The following UBE2H variants were observed in gnomAD, a reference collection of about 807,000 sequenced individuals.
The protein encoded by UBE2H is ubiquitin-conjugating enzyme E2 H.
Under a neutral mutation model 29.0 loss-of-function variants are expected in UBE2H, and 3 were observed. That is an observed-to-expected ratio of 0.10 (90% CI 0.05 to 0.27). The LOEUF is 0.27. UBE2H is among the 10% of genes least tolerant of loss of function. The pLI is 1.00. For synonymous variants in UBE2H, 69 were observed against 82.9 expected, an observed-to-expected ratio of 0.83 and a Z score of 0.91; for missense variants, 68 against 228.2, an observed-to-expected ratio of 0.30 and a Z score of 4.52.
At chr7:129,874,722 A>C (rs1334215221) in intron 3 of UBE2H, among the ~76,000 whole-genome samples, 1 of 152,176 alleles carries the variant, frequency 6.6e-6, no homozygotes, top group Non-Finnish European at 1.5e-5. Context: ...GTTCATATGA[A>C]GAGAAAAATG....
At position 129,909,888 on chromosome 7, in the gene UBE2H, A is replaced by G. The variant is rs190058859; in HGVS notation, c.54-28917T>C. Among the ~76,000 whole-genome samples the G allele has an allele frequency of 2.0e-5, 3 of 152,290 alleles. No homozygotes were observed. The East Asian group carries it at 5.8e-4, about 29-fold the overall frequency. On this transcript the variant is annotated intron_variant, in intron 1 of 6. Transcript: ENST00000355621. ...GTGGGAGTTGGAGCCACAAGCAAACAGCTGATTATATAAAGTGGTCTGAGG... is the reference window on the plus strand; with the variant it reads ...GTGGGAGTTGGAGCCACAAGCAAACGGCTGATTATATAAAGTGGTCTGAGG...
chr7:129,866,609 G>GC (rs1272133068), intron 3 of UBE2H, among the ~76,000 whole-genome samples: 1 of 152,160 alleles, frequency 6.6e-6, no homozygotes, highest in Non-Finnish European at 1.5e-5. Flanking sequence ...GTAGTTAAAA[G>GC]ATCAGGCTCC....
chr7:129,848,600 T>C (rs1400067052), intron 5 of UBE2H, among the ~76,000 whole-genome samples: 1 of 152,226 alleles, frequency 6.6e-6, no homozygotes, highest in South Asian at 2.1e-4. Flanking sequence ...TTGAAACTCC[T>C]GGGAATTTCA....
rs192637587 is a variant in UBE2H at position 129,949,791 on chromosome 7, C to A, written c.53+2712G>T. 2.0e-5 allele frequency among the ~76,000 whole-genome samples: 3 copies of A among 152,224 alleles called. No homozygotes were observed. The East Asian group carries it at 5.8e-4, about 29-fold the overall frequency. On this transcript the variant is annotated intron_variant, in intron 1 of 6. Transcript: ENST00000355621. ...ACTTTCCTACTATATAGGTTCCCTG[C>A]CAGGCTGTAAATCGTGGTGGTATAA...
intron 1 of UBE2H, among the ~76,000 whole-genome samples, chr7:129,951,738 G>A (rs1807880376): frequency 6.6e-6 from 1 of 152,128 alleles, no homozygotes; most frequent in African/African-American, 2.4e-5. Context: ...TTGCCCAAGT[G>A]GCCAGTCCAG....
At chr7:129,898,899 ATAC>A (rs1668020846) in intron 1 of UBE2H, among the ~76,000 whole-genome samples, 1 of 151,870 alleles carries the variant, frequency 6.6e-6, no homozygotes, top group African/African-American at 2.4e-5. Flanking sequence ...CACTGCCTAG[ATAC>A]TACCATTGCT....
intron 5 of UBE2H, chr7:129,839,583 T>A: frequency 2.5e-6 from 1 of 397,118 alleles, no homozygotes; most frequent in Non-Finnish European, 4.4e-6. Flanking sequence ...ATTTTCCCAA[T>A]TCTATTTCAC....
chr7:129,923,646 T>C (rs767439619), intron 1 of UBE2H, among the ~76,000 whole-genome samples: 25 of 152,170 alleles, frequency 1.6e-4, no homozygotes, highest in Non-Finnish European at 3.2e-4. Flanking sequence ...TTCTAAAACA[T>C]GGAAGCTTTC....
At position 129,931,793 on chromosome 7, in the gene UBE2H, G is replaced by A. The variant is rs190015722; in HGVS notation, c.53+20710C>T. 1.3e-4 allele frequency among the ~76,000 whole-genome samples: 20 copies of A among 150,466 alleles called. No individual in the cohort carries two copies. In the South Asian group the frequency reaches 2.3e-3, roughly 17 times the overall value. On this transcript the variant is annotated intron_variant, in intron 1 of 6. Transcript: ENST00000355621. ...ATGTGGAATCTTAAATTGTACCAACGAACTTTTCATATTCTTATATTAAAA... is the reference window on the plus strand; with the variant it reads ...ATGTGGAATCTTAAATTGTACCAACAAACTTTTCATATTCTTATATTAAAA...
At chr7:129,858,559 T>C (rs139161652) in intron 4 of UBE2H, among the ~76,000 whole-genome samples, 2 of 152,316 alleles carry the variant, frequency 1.3e-5, no homozygotes, top group African/African-American at 2.4e-5. Flanking sequence ...GAGAAAATAT[T>C]ATAAGATCTG....
rs1187898605 is a variant in UBE2H at position 129,834,845 on chromosome 7, A to T, written c.*92T>A. On this transcript the variant is annotated 3_prime_UTR_variant, in exon 7 of 7. Coordinates refer to ENST00000355621, the MANE Select transcript of UBE2H (RefSeq NM_003344.4). Reference sequence around the variant, plus strand: ...ATTCATAAAAACCTTGTTTAGTAATAAAAAAAATTGCTTTGTTTAAATATG... The same window carrying T: ...ATTCATAAAAACCTTGTTTAGTAATTAAAAAAATTGCTTTGTTTAAATATG... 2 of 1,459,370 alleles carry T rather than the reference A, an allele frequency of 1.4e-6. No homozygotes were observed. Among genetic ancestry groups the T allele is most frequent in the Non-Finnish European group, 1.8e-6 (2 of 1,086,104 alleles). 90.4% of individuals were successfully genotyped at this position (1,459,370 alleles called of 1,614,324 possible).
chr7:129,943,207 C>A (rs118149131), intron 1 of UBE2H, among the ~76,000 whole-genome samples: 2,940 of 152,170 alleles, frequency 0.019, 48 homozygotes, highest in Non-Finnish European at 0.029. Context: ...CTTGCCCTGT[C>A]ACCCAGGCTG....
intron 1 of UBE2H, among the ~76,000 whole-genome samples, chr7:129,894,879 G>A (rs1428959317): frequency 6.6e-6 from 1 of 151,894 alleles, no homozygotes; most frequent in Non-Finnish European, 1.5e-5. Context: ...ATAACCATCA[G>A]CTAGTCAAGC....
chr7:129,854,361 G>T (rs1444653103), intron 5 of UBE2H, among the ~76,000 whole-genome samples: 1 of 152,106 alleles, frequency 6.6e-6, no homozygotes, highest in Non-Finnish European at 1.5e-5. Context: ...ATTTTCTTCA[G>T]AAATAGTTTT....
chr7:129,925,795 T>G (rs1807256620), intron 1 of UBE2H, among the ~76,000 whole-genome samples: 1 of 152,216 alleles, frequency 6.6e-6, no homozygotes. Context: ...GCAGAAGCGA[T>G]GCCTTTAAGA....
At chr7:129,915,491 G>A (rs898004208) in intron 1 of UBE2H, among the ~76,000 whole-genome samples, 7 of 152,202 alleles carry the variant, frequency 4.6e-5, no homozygotes, top group East Asian at 1.9e-4. Flanking sequence ...CCGAGATTGC[G>A]CCACTGCACT....
In UBE2H at chr7:129,834,332, A is replaced by G. The variant is rs993739519; in HGVS notation, c.*605T>C. ...GACATATAAAAATGTACTTAAAATCAGAGTCAAAAAATGGTTTTAAGTTTT... is the reference window on the plus strand; with the variant it reads ...GACATATAAAAATGTACTTAAAATCGGAGTCAAAAAATGGTTTTAAGTTTT... On this transcript the variant is annotated 3_prime_UTR_variant, in exon 7 of 7. Coordinates refer to ENST00000355621, the MANE Select transcript of UBE2H (RefSeq NM_003344.4). 1 of 152,278 alleles carries G rather than the reference A, an allele frequency of 6.6e-6. No homozygotes were observed. Among genetic ancestry groups the G allele is most frequent in the African/African-American group, 2.4e-5 (1 of 41,450 alleles). The allele number at this position is 152,278 out of a possible 1,614,324, so 9.4% of individuals were successfully genotyped here.
chr7:129,920,156 C>T (rs12530557), intron 1 of UBE2H, among the ~76,000 whole-genome samples: 9,446 of 152,014 alleles, frequency 0.062, 368 homozygotes, highest in Non-Finnish European at 0.091. Context: ...ACATTGTATG[C>T]GTAAATATTT....
chr7:129,847,829 G>A (rs879346114), intron 5 of UBE2H, among the ~76,000 whole-genome samples: 3 of 151,600 alleles, frequency 2.0e-5, no homozygotes, highest in Non-Finnish European at 4.4e-5. Context: ...TGACTCTAAC[G>A]CCCTGGCTCT....
Sources: allele counts gnomAD v4.1 joint callset (sites outside exome capture counted in the v4.1 genomes callset), GRCh38; gene constraint gnomAD v4.1.1; transcripts MANE v1.5; gene names NCBI Gene and HGNC (gene_info 2026-07-23, HGNC 2026-07-21).